TMEM117: variants seen among roughly 807,000 people sequenced by gnomAD.
The protein encoded by TMEM117 is transmembrane protein 117.
A neutral mutation model predicts 52.4 loss-of-function variants in TMEM117; 27 were observed. That is an observed-to-expected ratio of 0.51 (90% confidence interval 0.38 to 0.71). The LOEUF (loss-of-function observed/expected upper bound fraction) is 0.71, where lower values mean the gene tolerates loss of function less well. Among genes scored for constraint, TMEM117 ranks in the 30% least tolerant of loss-of-function variants. TMEM117 has a pLI of 0.00. For synonymous variants in TMEM117, 215 were observed against 206.3 expected, an observed-to-expected ratio of 1.04 and a Z score of -0.36; for missense variants, 556 against 630.5, an observed-to-expected ratio of 0.88 and a Z score of 1.26.
chr12:43,979,420 A>C (rs909043628), intron 3 of TMEM117, among the ~76,000 whole-genome samples: 1 of 152,176 alleles, frequency 6.6e-6, no homozygotes, highest in Non-Finnish European at 1.5e-5. Flanking sequence ...CCTGATTTAC[A>C]TGATACTGAC....
At chr12:44,134,484 G>C (rs181339646) in intron 3 of TMEM117, among the ~76,000 whole-genome samples, 1 of 152,280 alleles carries the variant, frequency 6.6e-6, no homozygotes, top group Non-Finnish European at 1.5e-5. Flanking sequence ...AGAGAGAGGG[G>C]AGTGCTATTC....
intron 6 of TMEM117, among the ~76,000 whole-genome samples, chr12:44,372,093 T>A (rs545576287): frequency 2.0e-5 from 3 of 152,294 alleles, no homozygotes; most frequent in Admixed American, 6.5e-5. Context: ...AATTCTCACA[T>A]CACTGAACCA....
chr12:44,217,299 G>T (rs1827576991), intron 5 of TMEM117, among the ~76,000 whole-genome samples: 1 of 152,068 alleles, frequency 6.6e-6, no homozygotes, highest in South Asian at 2.1e-4. Context: ...AAAACTAAGG[G>T]ATGTGGAGAG....
intron 2 of TMEM117, among the ~76,000 whole-genome samples, chr12:43,941,421 C>A (rs1009089864): frequency 1.3e-5 from 2 of 152,176 alleles, no homozygotes; most frequent in African/African-American, 4.8e-5. Flanking sequence ...TATGCCAGGA[C>A]AACAATTATA....
At chr12:44,208,742 T>C (rs1949606569) in intron 4 of TMEM117, among the ~76,000 whole-genome samples, 1 of 150,112 alleles carries the variant, frequency 6.7e-6, no homozygotes, top group African/African-American at 2.5e-5. Context: ...TTTTTTTTTT[T>C]TTTTTTGCTT....
chr12:44,160,432 ATTTAC>A (rs1260042127), intron 4 of TMEM117, among the ~76,000 whole-genome samples: 1 of 152,172 alleles, frequency 6.6e-6, no homozygotes, highest in Non-Finnish European at 1.5e-5. Flanking sequence ...CAAGAATGCT[ATTTAC>A]TTTATTAAAA....
intron 6 of TMEM117, among the ~76,000 whole-genome samples, chr12:44,357,623 A>G (rs572605080): frequency 6.6e-6 from 1 of 152,088 alleles, no homozygotes; most frequent in Non-Finnish European, 1.5e-5. Flanking sequence ...GCAACAAGAT[A>G]CCATCACACC....
intron 3 of TMEM117, among the ~76,000 whole-genome samples, chr12:43,981,785 A>C (rs1053425966): frequency 1.3e-5 from 2 of 152,160 alleles, no homozygotes; most frequent in African/African-American, 4.8e-5. Context: ...TCATATATGG[A>C]ATTGCAAAGA....
At chr12:44,331,999 A>G (rs1335577236) in intron 6 of TMEM117, among the ~76,000 whole-genome samples, 4 of 152,042 alleles carry the variant, frequency 2.6e-5, no homozygotes, top group Non-Finnish European at 5.9e-5. Context: ...ATGCCTACCA[A>G]TCATCAACTC....
At chr12:44,340,690 G>A (rs925268832) in intron 6 of TMEM117, among the ~76,000 whole-genome samples, 5 of 152,064 alleles carry the variant, frequency 3.3e-5, no homozygotes, top group Admixed American at 6.6e-5. Flanking sequence ...AGGAGATGGA[G>A]CTGGAGGTTG....
intron 3 of TMEM117, among the ~76,000 whole-genome samples, chr12:44,025,653 TG>T (rs1946521803): frequency 6.6e-6 from 1 of 152,144 alleles, no homozygotes; most frequent in South Asian, 2.1e-4. Context: ...CGAAAAAAAA[TG>T]TTGCTGGCAG....
intron 3 of TMEM117, among the ~76,000 whole-genome samples, chr12:44,137,300 TA>T (rs903228633): frequency 6.6e-6 from 1 of 152,052 alleles, no homozygotes; most frequent in African/African-American, 2.4e-5. Context: ...ACTGAGTTAG[TA>T]ATCTCAAGCC....
At position 44,288,806 on chromosome 12, in the gene TMEM117, A is replaced by G. The variant is rs192060258; in HGVS notation, c.609-10774A>G. ...ATATACATATGCATGTATCAACACA[A>G]TCAAATTAATGAACATATTCATCAT... On this transcript the variant is annotated intron_variant, in intron 5 of 7. Transcript: ENST00000266534. Among the ~76,000 whole-genome samples, 8 of 152,294 alleles carry G rather than the reference A, an allele frequency of 5.3e-5. No homozygotes were observed. The East Asian group carries it at 1.5e-3, about 29-fold the overall frequency.
At chr12:43,842,874 G>A (rs1943138175) in intron 1 of TMEM117, among the ~76,000 whole-genome samples, 2 of 152,158 alleles carry the variant, frequency 1.3e-5, no homozygotes, top group Admixed American at 1.3e-4. Flanking sequence ...TGGGACCTGG[G>A]CCTGCTCTCT....
chr12:44,348,358 C>T (rs544361099), intron 6 of TMEM117, among the ~76,000 whole-genome samples: 9 of 151,692 alleles, frequency 5.9e-5, no homozygotes, highest in Non-Finnish European at 1.3e-4. Flanking sequence ...CCTCAAACTT[C>T]TAACTATGTC....
At chr12:44,380,718 T>C (rs539887889) in intron 7 of TMEM117, among the ~76,000 whole-genome samples, 1 of 149,374 alleles carries the variant, frequency 6.7e-6, no homozygotes, top group Non-Finnish European at 1.5e-5. Flanking sequence ...GTAGTAAGCA[T>C]TCAGTAAGCT....
intron 7 of TMEM117, among the ~76,000 whole-genome samples, chr12:44,385,017 A>G (rs1474534935): frequency 2.0e-5 from 3 of 152,180 alleles, no homozygotes; most frequent in African/African-American, 7.2e-5. Context: ...AGAAGGGCAG[A>G]ATTATGGAAC....
intron 4 of TMEM117, among the ~76,000 whole-genome samples, chr12:44,160,673 A>G (rs1039923836): frequency 1.4e-4 from 21 of 152,120 alleles, no homozygotes; most frequent in Non-Finnish European, 5.9e-5. Flanking sequence ...TCTGTGGTGC[A>G]TACCTGTAGT....
chr12:43,798,612 T>C, the TMEM117 span: 1 of 1,477,006 alleles, frequency 6.8e-7, no homozygotes, highest in Non-Finnish European at 8.9e-7. Context: ...AAACAAACTA[T>C]CAAACTCGTA....
Sources: gnomAD v4.1 joint callset for allele counts (sites outside exome capture counted in the v4.1 genomes callset) on GRCh38, gnomAD v4.1.1 for gene constraint, MANE v1.5 for transcripts, NCBI Gene and HGNC (gene_info 2026-07-23, HGNC 2026-07-21) for gene names.